The following THSD4 variants were observed in gnomAD, a reference collection of about 807,000 sequenced individuals.
THSD4 encodes the protein thrombospondin type 1 domain containing 4.
In THSD4, 69 loss-of-function variants were observed where a neutral mutation model predicts 119.0. The observed-to-expected ratio is 0.58, with a 90% confidence interval of 0.48 to 0.71. THSD4 has a LOEUF of 0.71. Among genes scored for constraint, THSD4 ranks in the 30% least tolerant of loss-of-function variants. The pLI, the probability that THSD4 is intolerant of heterozygous loss-of-function variation, is 0.00. For synonymous variants in THSD4, 524 were observed against 540.4 expected (o/e 0.97, Z 0.42); for missense variants, 1,393 against 1,391.1 (o/e 1.00, Z -0.02).
At chr15:71,557,406 A>T (rs549848338) in intron 7 of THSD4, among the ~76,000 whole-genome samples, 25 of 152,220 alleles carry the variant, frequency 1.6e-4, no homozygotes, top group Admixed American at 4.6e-4. Flanking sequence ...TCTTTAAAAA[A>T]ATATATATTT....
At chr15:71,602,198 A>C (rs1166780396) in intron 7 of THSD4, among the ~76,000 whole-genome samples, 2 of 152,128 alleles carry the variant, frequency 1.3e-5, no homozygotes, top group Admixed American at 1.3e-4. Flanking sequence ...AAAAATAATT[A>C]ATATACTGTT....
At chr15:71,193,649 G>A (rs1356741016) in intron 3 of THSD4, among the ~76,000 whole-genome samples, 1 of 152,168 alleles carries the variant, frequency 6.6e-6, no homozygotes, top group East Asian at 1.9e-4. Flanking sequence ...TGAATCATGG[G>A]GGTGGTTCCC....
chr15:71,709,754 A>G (rs1447520568), intron 8 of THSD4, among the ~76,000 whole-genome samples: 1 of 152,186 alleles, frequency 6.6e-6, no homozygotes, highest in African/African-American at 2.4e-5. Flanking sequence ...ATGGTTCCCA[A>G]ACTTTGCTAC....
intron 3 of THSD4, among the ~76,000 whole-genome samples, chr15:71,172,643 A>AGAT (rs991386564): frequency 7.2e-6 from 1 of 138,194 alleles, no homozygotes; most frequent in African/African-American, 2.6e-5. Flanking sequence ...ATAGGCAAAT[A>AGAT]GATAATGGAA....
intron 6 of THSD4, among the ~76,000 whole-genome samples, chr15:71,289,016 C>T (rs2044756258): frequency 6.6e-6 from 1 of 152,148 alleles, no homozygotes; most frequent in South Asian, 2.1e-4. Context: ...CTAAATGTTG[C>T]TGGAAGTTGG....
intron 7 of THSD4, among the ~76,000 whole-genome samples, chr15:71,548,495 G>C (rs2048874444): frequency 6.6e-6 from 1 of 152,220 alleles, no homozygotes; most frequent in South Asian, 2.1e-4. Flanking sequence ...ACGGCTGCAA[G>C]GCTAGCTGTG....
At chr15:71,432,444 G>C (rs943470196) in intron 7 of THSD4, among the ~76,000 whole-genome samples, 2 of 151,646 alleles carry the variant, frequency 1.3e-5, no homozygotes, top group African/African-American at 4.8e-5. Context: ...TTGATAGACG[G>C]GAGACTCAGT....
At chr15:71,497,595 A>AT (rs1206475839) in intron 7 of THSD4, among the ~76,000 whole-genome samples, 3 of 151,958 alleles carry the variant, frequency 2.0e-5, no homozygotes, top group African/African-American at 7.3e-5. Context: ...TTTAAAATAA[A>AT]TTTATTTTGT....
intron 14 of THSD4, among the ~76,000 whole-genome samples, chr15:71,755,933 G>A (rs1445128357): frequency 3.3e-5 from 5 of 151,658 alleles, no homozygotes; most frequent in Admixed American, 6.6e-5. Context: ...TGGAGGGAAT[G>A]ACAGGGGCAA....
intron 8 of THSD4, among the ~76,000 whole-genome samples, chr15:71,691,668 T>G (rs1469337001): frequency 6.6e-6 from 1 of 152,256 alleles, no homozygotes; most frequent in African/African-American, 2.4e-5. Context: ...ACACATGGTC[T>G]CTTTTAGTAA....
At chr15:71,520,506 G>A (rs1414962714) in intron 7 of THSD4, among the ~76,000 whole-genome samples, 1 of 152,178 alleles carries the variant, frequency 6.6e-6, no homozygotes, top group East Asian at 1.9e-4. Context: ...GTCTAAACAA[G>A]GCAGTGTCTT....
At chr15:71,193,383 C>T (rs1349589291) in intron 3 of THSD4, among the ~76,000 whole-genome samples, 3 of 152,112 alleles carry the variant, frequency 2.0e-5, no homozygotes, top group African/African-American at 7.2e-5. Flanking sequence ...AATATTAACA[C>T]GCATTACACT....
chr15:71,708,758 G>T (rs1001297211), intron 8 of THSD4, among the ~76,000 whole-genome samples: 2 of 152,300 alleles, frequency 1.3e-5, no homozygotes, highest in East Asian at 1.9e-4. Flanking sequence ...CATGCATGTG[G>T]CAGTCTTTCT....
upstream of THSD4, chr15:71,111,084 A>G (rs1396358840): frequency 6.6e-7 from 1 of 1,506,664 alleles, no homozygotes; most frequent in East Asian, 2.4e-5. Flanking sequence ...TGCAAAGAGG[A>G]AAAGGGGAAA....
At chr15:71,480,882 A>G (rs1017513300) in intron 7 of THSD4, among the ~76,000 whole-genome samples, 1 of 152,156 alleles carries the variant, frequency 6.6e-6, no homozygotes, top group African/African-American at 2.4e-5. Context: ...GTCTATCTTC[A>G]TTTTTCATTG....
At chr15:71,483,499 G>C (rs1472952422) in intron 7 of THSD4, among the ~76,000 whole-genome samples, 1 of 152,136 alleles carries the variant, frequency 6.6e-6, no homozygotes, top group African/African-American at 2.4e-5. Flanking sequence ...CATGAGAAGA[G>C]CATTTGACTG....
At chr15:71,238,939 T>C (rs1340290964) in intron 4 of THSD4, among the ~76,000 whole-genome samples, 1 of 152,230 alleles carries the variant, frequency 6.6e-6, no homozygotes, top group Non-Finnish European at 1.5e-5. Context: ...AATTTATCTT[T>C]CCCAACACAC....
chr15:71,360,594 C>T (rs148014851), intron 6 of THSD4, among the ~76,000 whole-genome samples: 132 of 152,278 alleles, frequency 8.7e-4, no homozygotes, highest in Middle Eastern at 3.4e-3. Context: ...GGGTTCACTA[C>T]GGTACTCGGA....
Position 71,378,769 on chromosome 15 carries a change from G to A in THSD4, c.1016-32918G>A, listed in dbSNP as rs148339845. On this transcript the variant is annotated intron_variant, in intron 6 of 17. Transcript: ENST00000261862. ...TTTCTTCTAGGTATAAGAAGGTAAT[G>A]TTGTTGTCATTATTGTTTTTTGTTA... Among the ~76,000 whole-genome samples, 486 of 152,238 alleles carry A rather than the reference G, an allele frequency of 3.2e-3. 2 individuals are homozygous for A. Among genetic ancestry groups the A allele is most frequent in the Non-Finnish European group, 3.4e-3 (233 of 68,008 alleles).
Sources: allele counts gnomAD v4.1 joint callset (sites outside exome capture counted in the v4.1 genomes callset), GRCh38; gene constraint gnomAD v4.1.1; transcripts MANE v1.5; gene names NCBI Gene and HGNC (gene_info 2026-07-23, HGNC 2026-07-21).